Variants in KCTD19 observed in about 807,000 individuals in gnomAD.
KCTD19 encodes potassium channel tetramerization domain containing 19.
Under a neutral mutation model 103.5 loss-of-function variants are expected in KCTD19, and 67 were observed. The observed-to-expected ratio is 0.65, with a 90% confidence interval of 0.53 to 0.79. KCTD19 has a LOEUF of 0.79. Ranked by LOEUF, KCTD19 falls within the 30% of genes least tolerant of loss-of-function variation. KCTD19 has a pLI of 0.00. For missense variants in KCTD19, 980 were observed against 1,136.1 expected (o/e 0.86, Z 1.98); for synonymous variants, 439 against 452.2 (o/e 0.97, Z 0.37).
At position 67,289,699 on chromosome 16, in the gene KCTD19, G is replaced by C. The variant is rs1325771554; in HGVS notation, c.2668-17C>G. 6.4e-7 allele frequency: 1 copy of C among 1,574,210 alleles called. No homozygotes were observed. Among genetic ancestry groups the C allele is most frequent in the Non-Finnish European group, 8.7e-7 (1 of 1,144,114 alleles). ...CAGTGTAAGCTGGAAGGAAAGGCCA[G>C]TCTTATCCCTGATTTCCTGGCCAGT... On this transcript the variant is annotated splice_polypyrimidine_tract_variant and intron_variant, in intron 15 of 15. Transcript: ENST00000304372.
At position 67,300,728 on chromosome 16, in the gene KCTD19, C is replaced by T. The variant is rs2036824328; in HGVS notation, c.775+1063G>A. The T allele has an allele frequency of 6.6e-6, 1 of 152,460 alleles. No individual in the cohort carries two copies. The highest frequency in any genetic ancestry group is 1.5e-5 in the Non-Finnish European group (1 of 68,224). 9.4% of individuals were successfully genotyped at this position (152,460 alleles called of 1,614,324 possible). On this transcript the variant is annotated intron_variant, in intron 5 of 15. Coordinates refer to ENST00000304372, the MANE Select transcript of KCTD19 (RefSeq NM_001100915.3). The surrounding 1 kb of genome is among the most constrained non-coding windows in gnomAD (Gnocchi z 4.5). Reference sequence around the variant, plus strand: ...TGGCATGATCTCGGCTCACTGCAGCCTCCACCTCCTGGGTTCAAGCGATTC... The same window carrying T: ...TGGCATGATCTCGGCTCACTGCAGCTTCCACCTCCTGGGTTCAAGCGATTC...
Position 67,320,394 on chromosome 16 carries a change from T to C in KCTD19, c.300+195A>G, listed in dbSNP as rs150950262. Among the ~76,000 whole-genome samples the C allele has an allele frequency of 3.3e-5, 5 of 152,274 alleles. No individual in the cohort carries two copies. Among genetic ancestry groups the C allele is most frequent in the African/African-American group, 7.2e-5 (3 of 41,560 alleles). On this transcript the variant is annotated intron_variant, in intron 2 of 15. Transcript: ENST00000304372. The surrounding 1 kb of genome is among the most constrained non-coding windows in gnomAD (Gnocchi z 4.0). ...AAAAAACAAAAGCAGGTAATTTCAGTGTATTGTTTATTACTTTTTTTTCCT... is the reference window on the plus strand; with the variant it reads ...AAAAAACAAAAGCAGGTAATTTCAGCGTATTGTTTATTACTTTTTTTTCCT...
intron 4 of KCTD19, 174 bp downstream of exon 4, chr16:67,302,971 CT>C: frequency 1.6e-6 from 1 of 616,852 alleles, no homozygotes; most frequent in Non-Finnish European, 2.8e-6. Flanking sequence ...TAGTGAGATT[CT>C]AATGCTGGAA....
chr16:67,322,717 A>G (rs1008078060), intron 1 of KCTD19, among the ~76,000 whole-genome samples: 1 of 152,242 alleles, frequency 6.6e-6, no homozygotes, highest in Non-Finnish European at 1.5e-5. Context: ...ATGGAACTTA[A>G]TCAAAATTTA....
chr16:67,297,334 G>C (rs1256857033), intron 7 of KCTD19, among the ~76,000 whole-genome samples, 169 bp downstream of exon 7: 1 of 152,130 alleles, frequency 6.6e-6, no homozygotes, highest in Admixed American at 6.5e-5. Context: ...GAGGTGAGGA[G>C]GGAGCACTTA....
rs1219156500 is a variant in KCTD19, at chr16:67,293,126, C to G, written c.2218+418G>C. On this transcript the variant is annotated intron_variant, in intron 12 of 15. Transcript: ENST00000304372. The surrounding 1 kb of genome is among the most constrained non-coding windows in gnomAD (Gnocchi z 4.0). ...TCCCATCCTGGTCAGAATGGAGTAC[C>G]ACGTCCTGAAGCTGGCCCACGAGGC... Among the ~76,000 whole-genome samples the G allele has an allele frequency of 6.6e-6, 1 of 152,204 alleles. No individual in the cohort carries two copies. Among genetic ancestry groups the G allele is most frequent in the Non-Finnish European group, 1.5e-5 (1 of 68,050 alleles).
At chr16:67,321,910 C>T (rs1239100992) in intron 1 of KCTD19, 1 of 153,024 alleles carries the variant, frequency 6.5e-6, no homozygotes, top group African/African-American at 2.4e-5. Flanking sequence ...GGACACCCGC[C>T]TAGACAGCCA....
At chr16:67,298,684 A>G (rs2036796834) in intron 6 of KCTD19, among the ~76,000 whole-genome samples, 1 of 152,222 alleles carries the variant, frequency 6.6e-6, no homozygotes, top group South Asian at 2.1e-4. Flanking sequence ...TATTGGGAAA[A>G]GACAGCATTC....
chr16:67,296,199 C>T lies in KCTD19; in HGVS notation c.1208G>A (p.Gly403Glu), dbSNP rs746796707. 40 of 1,613,686 alleles carry T rather than the reference C, an allele frequency of 2.5e-5. No individual in the cohort carries two copies. The highest frequency in any genetic ancestry group is 3.4e-5 in the Non-Finnish European group (40 of 1,179,706). The change falls in exon 8 of 16, where the codon GGA (glycine) becomes GAA (glutamate). Residue 403 changes from glycine (G) to glutamate (E), a missense_variant. Gly to Glu is a moderately conservative substitution (Grantham distance 98). Coordinates refer to ENST00000304372, the MANE Select transcript of KCTD19 (RefSeq NM_001100915.3). ...CAGGGTGGTTGCGTACCAGTGGCTT[C>T]CAACATACACTTTGATGATCTGTTG... is the stretch of plus-strand genomic sequence containing the variant. The part of the protein sequence containing the change: ...SPQQIIKVYV[G>E]SHWYATTLQT...
chr16:67,317,711 G>A (rs1293231400), intron 2 of KCTD19, among the ~76,000 whole-genome samples: 1 of 152,054 alleles, frequency 6.6e-6, no homozygotes, highest in Non-Finnish European at 1.5e-5. Flanking sequence ...TCTTTTTACT[G>A]TTTTAGATGT....
chr16:67,316,432 A>G (rs2037014363), intron 2 of KCTD19, among the ~76,000 whole-genome samples: 1 of 152,202 alleles, frequency 6.6e-6, no homozygotes. Context: ...TGAATATTAA[A>G]AGACAAGCAG....
At chr16:67,324,537 G>A (rs1184422508) in intron 1 of KCTD19, among the ~76,000 whole-genome samples, 3 of 152,168 alleles carry the variant, frequency 2.0e-5, no homozygotes, top group Non-Finnish European at 4.4e-5. Context: ...GAATGCAGGT[G>A]GTGGATATAT....
chr16:67,291,093 G>C (rs1333654790), intron 14 of KCTD19, 107 bp from the exon 15 acceptor site: 8 of 1,270,914 alleles, frequency 6.3e-6, no homozygotes, highest in Non-Finnish European at 8.8e-6. Flanking sequence ...AGGGGTAGGG[G>C]GCGGGCACTG....
chr16:67,314,330 C>G (rs535849236), intron 2 of KCTD19, among the ~76,000 whole-genome samples: 2 of 151,576 alleles, frequency 1.3e-5, no homozygotes. Flanking sequence ...TTAAAGCATG[C>G]AATTCAGTGG....
rs571979476 is a variant in KCTD19, at chr16:67,304,330, C to T, written c.451+91G>A. On this transcript the variant is annotated intron_variant, in intron 3 of 15. Coordinates refer to ENST00000304372, the MANE Select transcript of KCTD19 (RefSeq NM_001100915.3). ...GAGACTGCCTCAGAAATCAGGCACT[C>T]TCTGCTCTCTGGATGGAAGCCACTT... 5.7e-4 allele frequency: 733 copies of T among 1,286,324 alleles called. 7 individuals carry two copies. Among genetic ancestry groups the T allele is most frequent in the Non-Finnish European group, 4.1e-5 (37 of 894,578 alleles). The allele number at this position is 1,286,324 out of a possible 1,614,324, so 79.7% of individuals were successfully genotyped here.
intron 1 of KCTD19, chr16:67,326,480 C>T (rs1417933951): frequency 3.8e-6 from 2 of 532,680 alleles, no homozygotes; most frequent in Non-Finnish European, 6.3e-6. Context: ...CCCTCAGAAC[C>T]GGAGTCCCCC....
At chr16:67,302,359 A>G in intron 4 of KCTD19, 1 of 187,750 alleles carries the variant, frequency 5.3e-6, no homozygotes, top group Non-Finnish European at 1.1e-5. Context: ...GCAGAGATGG[A>G]GCCAACGCTA....
intron 1 of KCTD19, among the ~76,000 whole-genome samples, chr16:67,325,639 G>T (rs887241898): frequency 6.6e-6 from 1 of 152,102 alleles, no homozygotes; most frequent in Non-Finnish European, 1.5e-5. Flanking sequence ...AGTGCCTGCT[G>T]GAGTGAGGGT....
rs1304437675 is a variant in KCTD19, at chr16:67,295,369, A to G, written c.1285T>C (p.Trp429Arg). The G allele has an allele frequency of 1.2e-6, 2 of 1,613,868 alleles. No homozygotes were observed. The highest frequency in any genetic ancestry group is 1.7e-6 in the Non-Finnish European group (2 of 1,179,886). ...ELLSNPQRVYWITYGQTLLIH... is the reference protein window; with the variant it reads ...ELLSNPQRVYRITYGQTLLIH... ...AGCAGGGTTTGTCCATATGTGATCCAGTACACTCTCTGAGGGTTGGACAGC... is the reference window on the plus strand; with the variant it reads ...AGCAGGGTTTGTCCATATGTGATCCGGTACACTCTCTGAGGGTTGGACAGC... Residue 429 changes from tryptophan to arginine, a missense_variant, in exon 9 of 16, where the codon TGG becomes CGG. Coordinates refer to ENST00000304372, the MANE Select transcript of KCTD19 (RefSeq NM_001100915.3).
Sources: allele counts gnomAD v4.1 joint callset (sites outside exome capture counted in the v4.1 genomes callset), GRCh38; gene constraint gnomAD v4.1.1; non-coding constraint Gnocchi (gnomAD v3.1); transcripts MANE v1.5; gene names NCBI Gene and HGNC (gene_info 2026-07-23, HGNC 2026-07-21).